Variants in ZNF514 observed in about 807,000 individuals in gnomAD.
ZNF514 encodes zinc finger protein 514.
ZNF514 carries 12 observed loss-of-function variants against 9.7 expected under a neutral mutation model. That is an observed-to-expected ratio of 1.24 (90% CI 0.79 to 2.01). The LOEUF is 2.01. ZNF514 is among the 30% of genes most tolerant of loss of function. ZNF514 has a pLI of 0.00. For synonymous variants in ZNF514, 158 were observed against 163.7 expected, an observed-to-expected ratio of 0.97 and a Z score of 0.27; for missense variants, 467 against 465.5, an observed-to-expected ratio of 1.00 and a Z score of -0.03.
the ZNF514 span, among the ~76,000 whole-genome samples, chr2:95,128,927 C>G: frequency 1.3e-5 from 2 of 152,216 alleles, no homozygotes; most frequent in South Asian, 4.1e-4. Flanking sequence ...GGTGGGTGAG[C>G]AGTTCTCATA....
At chr2:95,133,551 G>A in the ZNF514 span, among the ~76,000 whole-genome samples, 1 of 152,096 alleles carries the variant, frequency 6.6e-6, no homozygotes, top group South Asian at 2.1e-4. Context: ...CCATATCCAT[G>A]GGTTCCTTAT....
chr2:95,128,035 C>A, the ZNF514 span, among the ~76,000 whole-genome samples: 1 of 152,206 alleles, frequency 6.6e-6, no homozygotes, highest in Non-Finnish European at 1.5e-5. Context: ...TCACTTGAGT[C>A]TGGGAGTTCA....
chr2:95,130,973 A>T, the ZNF514 span, among the ~76,000 whole-genome samples: 1 of 152,256 alleles, frequency 6.6e-6, no homozygotes, highest in South Asian at 2.1e-4. Flanking sequence ...ACAGGCGTTA[A>T]GAAATTACAA....
At chr2:95,127,559 TG>T in the ZNF514 span, among the ~76,000 whole-genome samples, 1 of 152,264 alleles carries the variant, frequency 6.6e-6, no homozygotes, top group South Asian at 2.1e-4. Flanking sequence ...TAGTGTTTTT[TG>T]GTTGTTTTGT....
chr2:95,154,103 T>G (rs1375212969), intron 2 of ZNF514: 1 of 152,258 alleles, frequency 6.6e-6, no homozygotes, highest in Non-Finnish European at 1.5e-5. Context: ...CCTAAAGAAT[T>G]GAGCTTCTGC....
chr2:95,149,204 G>A lies in ZNF514; in HGVS notation c.*78C>T. 2.0e-6 allele frequency: 3 copies of A among 1,479,990 alleles called. No homozygotes were observed. The highest frequency in any genetic ancestry group is 2.7e-6 in the Non-Finnish European group (3 of 1,106,046). 91.7% of individuals were successfully genotyped at this position (1,479,990 alleles called of 1,614,324 possible). A position where few individuals can be genotyped will look rare whatever the true frequency, so the allele number is the denominator to read the frequency against. On this transcript the variant is annotated 3_prime_UTR_variant, in exon 5 of 5. Transcript: ENST00000295208. Reference sequence around the variant, plus strand: ...CTTCCCACATACATTACACCTTTAGGATCTCTCTCTGATATGAATTCTTTA... The same window carrying A: ...CTTCCCACATACATTACACCTTTAGAATCTCTCTCTGATATGAATTCTTTA...
At chr2:95,123,878 T>C in the ZNF514 span, among the ~76,000 whole-genome samples, 7 of 152,228 alleles carry the variant, frequency 4.6e-5, no homozygotes, top group African/African-American at 7.2e-5. Context: ...TTTCTAACTT[T>C]TAAATTTGAA....
intron 3 of ZNF514, among the ~76,000 whole-genome samples, 160 bp downstream of exon 3, chr2:95,152,973 C>T (rs1673585208): frequency 6.6e-6 from 1 of 152,188 alleles, no homozygotes; most frequent in African/African-American, 2.4e-5. Flanking sequence ...AACAGAAATA[C>T]TGTATCACTG....
chr2:95,130,027 C>A, the ZNF514 span, among the ~76,000 whole-genome samples: 7 of 152,140 alleles, frequency 4.6e-5, no homozygotes, highest in East Asian at 3.9e-4. Context: ...TATCGGGGGA[C>A]CTGCCCCGAT....
the ZNF514 span, among the ~76,000 whole-genome samples, chr2:95,135,398 C>T: frequency 6.7e-6 from 1 of 149,756 alleles, no homozygotes; most frequent in Non-Finnish European, 1.5e-5. Context: ...TCCTTCCCTC[C>T]TTCTTTCCTT....
At chr2:95,131,909 G>A in the ZNF514 span, among the ~76,000 whole-genome samples, 2 of 152,026 alleles carry the variant, frequency 1.3e-5, no homozygotes, top group African/African-American at 2.4e-5. Flanking sequence ...TTGGGAGGCC[G>A]AGGAGGGTGG....
chr2:95,126,861 C>T, the ZNF514 span, among the ~76,000 whole-genome samples: 5 of 151,994 alleles, frequency 3.3e-5, no homozygotes, highest in African/African-American at 1.2e-4. Flanking sequence ...GCCTCACACT[C>T]CTGGCCTCAA....
chr2:95,142,913 A>C (rs781727822), downstream of ZNF514, among the ~76,000 whole-genome samples: 1 of 152,232 alleles, frequency 6.6e-6, no homozygotes, highest in Admixed American at 6.5e-5. Context: ...GTGATGGACA[A>C]TTGCATTGCT....
chr2:95,158,321 A>G (rs1230966764), intron 1 of ZNF514, among the ~76,000 whole-genome samples: 1 of 152,222 alleles, frequency 6.6e-6, no homozygotes, highest in Non-Finnish European at 1.5e-5. Flanking sequence ...GACTGGGCCC[A>G]GTTCTTCCAC....
At chr2:95,158,760 T>G in intron 1 of ZNF514, 1 of 1,177,028 alleles carries the variant, frequency 8.5e-7, no homozygotes. Context: ...GCCACGGTCA[T>G]CTAGAGACCC....
the ZNF514 span, among the ~76,000 whole-genome samples, chr2:95,133,717 G>A: frequency 6.6e-6 from 1 of 152,162 alleles, no homozygotes; most frequent in South Asian, 2.1e-4. Flanking sequence ...GGTGTTATAA[G>A]TCATCTAGAG....
chr2:95,158,138 C>G (rs749106586), intron 1 of ZNF514, among the ~76,000 whole-genome samples: 1 of 152,196 alleles, frequency 6.6e-6, no homozygotes, highest in Non-Finnish European at 1.5e-5. Flanking sequence ...GTGTGTGGAT[C>G]CCTGAGGATC....
chr2:95,143,775 T>C (rs1464448045), downstream of ZNF514, among the ~76,000 whole-genome samples: 5 of 152,112 alleles, frequency 3.3e-5, no homozygotes. Context: ...GTCAGGATGG[T>C]GGGGAAAATT....
At chr2:95,132,364 G>A in the ZNF514 span, among the ~76,000 whole-genome samples, 1 of 152,050 alleles carries the variant, frequency 6.6e-6, no homozygotes. Context: ...AGACGTACAT[G>A]AAAAGATGTC....
Sources: allele counts gnomAD v4.1 joint callset (sites outside exome capture counted in the v4.1 genomes callset), GRCh38; gene constraint gnomAD v4.1.1; transcripts MANE v1.5; gene names NCBI Gene and HGNC (gene_info 2026-07-23, HGNC 2026-07-21).